The following SLC22A16 variants were observed in gnomAD, a reference collection of about 807,000 sequenced individuals.
SLC22A16 encodes the protein WUGSC:RG331P03.1.
Under a neutral mutation model 52.9 loss-of-function variants are expected in SLC22A16, and 53 were observed. The observed-to-expected ratio is 1.00, with a 90% CI of 0.80 to 1.26. SLC22A16 has a LOEUF of 1.26. Ranked by LOEUF, SLC22A16 falls within the 50% of genes most tolerant of loss-of-function variation. The pLI, the probability that SLC22A16 is intolerant of heterozygous loss-of-function variation, is 0.00. For synonymous variants in SLC22A16, 291 were observed against 268.8 expected, an observed-to-expected ratio of 1.08 and a Z score of -0.81; for missense variants, 726 against 704.0, an observed-to-expected ratio of 1.03 and a Z score of -0.35.
intron 2 of SLC22A16, 69 bp downstream of exon 2, chr6:110,456,468 GT>G: frequency 6.5e-7 from 1 of 1,535,224 alleles, no homozygotes; most frequent in East Asian, 2.3e-5. Flanking sequence ...ATAATTCCTT[GT>G]GTCCCAAGAA....
intron 1 of SLC22A16, among the ~76,000 whole-genome samples, chr6:110,467,192 T>A (rs1476187123): frequency 6.6e-6 from 1 of 152,128 alleles, no homozygotes; most frequent in Non-Finnish European, 1.5e-5. Context: ...CTCTGCGTTT[T>A]TTTTCCCTCC....
At chr6:110,463,187 T>C (rs937640781) in intron 1 of SLC22A16, among the ~76,000 whole-genome samples, 2 of 151,914 alleles carry the variant, frequency 1.3e-5, no homozygotes, top group African/African-American at 4.8e-5. Flanking sequence ...AAGTAGAAAG[T>C]TCACAGATCC....
chr6:110,471,082 C>T (rs1776245104), intron 1 of SLC22A16, among the ~76,000 whole-genome samples: 1 of 152,194 alleles, frequency 6.6e-6, no homozygotes, highest in Admixed American at 6.5e-5. Flanking sequence ...ACAGGTAGAG[C>T]CACATGCCAC....
At chr6:110,447,512 T>C (rs867259113) in intron 2 of SLC22A16, among the ~76,000 whole-genome samples, 4 of 152,236 alleles carry the variant, frequency 2.6e-5, no homozygotes, top group Non-Finnish European at 4.4e-5. Flanking sequence ...TGTGATATAA[T>C]TCAAATGCCA....
chr6:110,473,167 G>A (rs1776317843), intron 1 of SLC22A16, among the ~76,000 whole-genome samples: 1 of 152,130 alleles, frequency 6.6e-6, no homozygotes, highest in South Asian at 2.1e-4. Context: ...TAGATGTTAT[G>A]ATGTTCACAC....
At chr6:110,444,142 A>G (rs1441422499) in intron 3 of SLC22A16, among the ~76,000 whole-genome samples, 1 of 152,202 alleles carries the variant, frequency 6.6e-6, no homozygotes, top group African/African-American at 2.4e-5. Context: ...ACTTTACCAC[A>G]AGAAGGAAAA....
intron 1 of SLC22A16, among the ~76,000 whole-genome samples, chr6:110,460,783 G>A (rs1194767372): frequency 2.0e-5 from 3 of 152,116 alleles, no homozygotes; most frequent in Non-Finnish European, 4.4e-5. Context: ...CAACCACTCT[G>A]ACTTTGGCAA....
In SLC22A16 at chr6:110,454,656, AT is replaced by A. The variant is rs1775529131; in HGVS notation, c.533+1881del. 8.0e-4 allele frequency among the ~76,000 whole-genome samples: 37 copies of A among 46,018 alleles called. 6 individuals carry two copies. The highest frequency in any genetic ancestry group is 5.4e-3 in the African/African-American group (35 of 6,498). 30.2% of individuals were successfully genotyped at this position (46,018 alleles called of 152,430 possible). On this transcript the variant is annotated intron_variant, in intron 2 of 7. Transcript: ENST00000368919. ...TATATATATTATATATTTTATATAT[AT>A]TATATATATTTATATATATTATATA...
At chr6:110,427,886 G>A (rs1420216865) in intron 7 of SLC22A16, among the ~76,000 whole-genome samples, 1 of 152,058 alleles carries the variant, frequency 6.6e-6, no homozygotes, top group African/African-American at 2.4e-5. Flanking sequence ...CCTTCTCTTC[G>A]GGACTGGTGG....
rs1775004216 is a variant in SLC22A16 at position 110,442,400 on chromosome 6, TC to T, written c.1026del (p.Lys343SerfsTer22). On this transcript the variant is annotated frameshift_variant, in exon 4 of 8. Coordinates refer to ENST00000368919, the MANE Select transcript of SLC22A16 (RefSeq NM_033125.4). LOFTEE classifies it high-confidence loss of function. The stretch of plus-strand genomic sequence containing the variant: ...TAAAACAGATATGATAGGTTGTGCT[TC>T]TGAACTTCAGTGGGGCTATTACTAA... Reference protein sequence around the residue: ...GPVSNSPTEVQKHNLSYLFYN... With the variant: ...GPVSNSPTEVXKHNLSYLFYN... The T allele has an allele frequency of 1.9e-6, 3 of 1,614,250 alleles. No individual in the cohort carries two copies. Among genetic ancestry groups the T allele is most frequent in the Non-Finnish European group, 2.5e-6 (3 of 1,180,040 alleles).
At chr6:110,458,697 C>G (rs1775759086) in intron 1 of SLC22A16, among the ~76,000 whole-genome samples, 1 of 152,128 alleles carries the variant, frequency 6.6e-6, no homozygotes, top group Non-Finnish European at 1.5e-5. Flanking sequence ...ATCACCCTCA[C>G]CAGTTGAGGT....
At chr6:110,476,442 C>T (rs866113282) in intron 1 of SLC22A16, 80 bp downstream of exon 1, 215 of 1,426,014 alleles carry the variant, frequency 1.5e-4, no homozygotes, top group Non-Finnish European at 1.9e-4. Context: ...GAGCGCCGCG[C>T]GAGAACCCCG....
intron 7 of SLC22A16, 118 bp downstream of exon 7, chr6:110,431,053 A>AAAC: frequency 1.2e-6 from 1 of 844,688 alleles, no homozygotes; most frequent in Non-Finnish European, 1.9e-6. Flanking sequence ...TTGTTTCTAC[A>AAAC]AACCCCATTA....
At chr6:110,454,922 TATATATTATA>T (rs1227468005) in intron 2 of SLC22A16, among the ~76,000 whole-genome samples, 17 of 93,506 alleles carry the variant, frequency 1.8e-4, no homozygotes, top group African/African-American at 7.0e-4. Flanking sequence ...ATATATAATA[TATATATTATA>T]ATATATATAA....
rs367577993 is a variant in SLC22A16 at position 110,435,993 on chromosome 6, A to G, written c.1312-32T>C. ...AAAATTTAGCAGAATAGATCATCAC[A>G]AGTGGTATTTTTAAAGGAAAATAGA... On this transcript the variant is annotated intron_variant, in intron 5 of 7. Transcript: ENST00000368919. The G allele has an allele frequency of 1.5e-4, 198 of 1,342,808 alleles. No individual in the cohort carries two copies. The African/African-American group carries it at 2.6e-3, about 17-fold the overall frequency. 83.2% of individuals were successfully genotyped at this position (1,342,808 alleles called of 1,614,324 possible).
intron 2 of SLC22A16, 32 bp downstream of exon 2, chr6:110,456,506 C>G: frequency 6.2e-7 from 1 of 1,608,412 alleles, no homozygotes; most frequent in Non-Finnish European, 8.5e-7. Context: ...AAACCCTACA[C>G]TGATACAACA....
intron 3 of SLC22A16, among the ~76,000 whole-genome samples, chr6:110,445,942 A>G (rs765939286): frequency 2.1e-4 from 32 of 152,078 alleles, no homozygotes; most frequent in Non-Finnish European, 4.4e-4. Context: ...AGTCTCCTAG[A>G]TTTATTTTTA....
chr6:110,442,066 T>C (rs963165946), intron 4 of SLC22A16, among the ~76,000 whole-genome samples, 178 bp downstream of exon 4: 1 of 152,234 alleles, frequency 6.6e-6, no homozygotes, highest in Non-Finnish European at 1.5e-5. Flanking sequence ...CATATGTACA[T>C]GTGTTACAAC....
At chr6:110,474,503 C>T (rs954098247) in intron 1 of SLC22A16, among the ~76,000 whole-genome samples, 1 of 152,206 alleles carries the variant, frequency 6.6e-6, no homozygotes, top group African/African-American at 2.4e-5. Context: ...TACCCTTTTC[C>T]CTCCTGTAAG....
Sources: gnomAD v4.1 joint callset for allele counts (sites outside exome capture counted in the v4.1 genomes callset) on GRCh38, gnomAD v4.1.1 for gene constraint, MANE v1.5 for transcripts, NCBI Gene and HGNC (gene_info 2026-07-23, HGNC 2026-07-21) for gene names.